Variants in ABR observed in about 807,000 individuals in gnomAD.
ABR encodes the protein ABR activator of RhoGEF and GTPase, also known as active breakpoint cluster region-related protein.
ABR carries 35 observed loss-of-function variants against 107.2 expected under a neutral mutation model. The observed-to-expected ratio is 0.33, with a 90% confidence interval of 0.25 to 0.43. ABR has a LOEUF of 0.43. Among genes scored for constraint, ABR ranks in the 20% least tolerant of loss-of-function variants. The pLI is 1.00. For synonymous variants in ABR, 498 were observed against 462.0 expected (o/e 1.08, Z -1.00); for missense variants, 815 against 1,115.2 (o/e 0.73, Z 3.83).
intron 2 of ABR, among the ~76,000 whole-genome samples, chr17:1,123,161 A>G (rs2258693): frequency 0.98 from 149,229 of 152,270 alleles, 73,193 homozygotes; most frequent in Middle Eastern, 1. Context: ...GTGACCCAGC[A>G]GAAAGGGCAG....
intron 16 of ABR, among the ~76,000 whole-genome samples, chr17:1,044,132 A>G (rs2031158621): frequency 6.6e-6 from 1 of 151,976 alleles, no homozygotes; most frequent in Non-Finnish European, 1.5e-5. Context: ...TAGGATAAAC[A>G]CAGTGGAGTC....
chr17:1,203,235 G>A (rs1276150798), intron 1 of ABR, among the ~76,000 whole-genome samples: 2 of 151,984 alleles, frequency 1.3e-5, no homozygotes, highest in African/African-American at 4.8e-5. Context: ...AGAGGATCCT[G>A]GGGAGACTCC....
In ABR at chr17:1,148,565, C is replaced by T. The variant is rs1369118743; in HGVS notation, c.62-23198G>A. On this transcript the variant is annotated intron_variant, in intron 1 of 22. Transcript: ENST00000302538. This position sits in a 1 kb window ranked among gnomAD's most constrained non-coding sequence, Gnocchi z 4.9. Reference sequence around the variant, plus strand: ...GTGAGTGGTGGGTGAGCAAGCGTCACCCCCTGAACCCCACTTCCCATCCGA... The same window carrying T: ...GTGAGTGGTGGGTGAGCAAGCGTCATCCCCTGAACCCCACTTCCCATCCGA... Among the ~76,000 whole-genome samples the T allele has an allele frequency of 3.3e-5, 5 of 152,188 alleles. No homozygotes were observed. Among genetic ancestry groups the T allele is most frequent in the Admixed American group, 1.3e-4 (2 of 15,274 alleles).
Position 1,148,761 on chromosome 17 carries a change from G to A in ABR, c.62-23394C>T, listed in dbSNP as rs1250417962. ...CTGGTTTCACAGATGCGGAGTCTCA[G>A]TTTAGCCAGGTGAGAGTTCCGGAGA... On this transcript the variant is annotated intron_variant, in intron 1 of 22. Coordinates refer to ENST00000302538, the MANE Select transcript of ABR (RefSeq NM_021962.5). The surrounding 1 kb of genome is among the most constrained non-coding windows in gnomAD (Gnocchi z 4.9). Among the ~76,000 whole-genome samples, 2 of 152,216 alleles carry A rather than the reference G, an allele frequency of 1.3e-5. No homozygotes were observed. Among genetic ancestry groups the A allele is most frequent in the Non-Finnish European group, 2.9e-5 (2 of 68,038 alleles).
At chr17:1,034,800 C>G (rs77948238) in intron 16 of ABR, among the ~76,000 whole-genome samples, 1 of 152,140 alleles carries the variant, frequency 6.6e-6, no homozygotes, top group Non-Finnish European at 1.5e-5. Context: ...CCCCTTCCCT[C>G]GGGCTGGGTC....
chr17:1,136,202 T>C (rs750671662), intron 1 of ABR, among the ~76,000 whole-genome samples: 23 of 152,086 alleles, frequency 1.5e-4, no homozygotes, highest in Non-Finnish European at 2.8e-4. Context: ...ATTGAAAATC[T>C]GATCTGTTTT....
chr17:1,220,786 G>C (rs1427555373), intron 1 of ABR, among the ~76,000 whole-genome samples: 2 of 152,168 alleles, frequency 1.3e-5, no homozygotes, highest in African/African-American at 4.8e-5. Context: ...TTTTTTCACT[G>C]AACTTCTCAT....
At chr17:1,214,596 G>A (rs759648847) in intron 1 of ABR, among the ~76,000 whole-genome samples, 1 of 152,090 alleles carries the variant, frequency 6.6e-6, no homozygotes, top group African/African-American at 2.4e-5. Flanking sequence ...GACGTCAGGA[G>A]TTCGAGACCA....
intron 1 of ABR, among the ~76,000 whole-genome samples, chr17:1,196,299 A>G (rs1263542813): frequency 2.0e-5 from 3 of 151,782 alleles, no homozygotes. Flanking sequence ...GCATGGTGGC[A>G]CGTGCCTGTA....
intron 1 of ABR, among the ~76,000 whole-genome samples, chr17:1,174,799 T>G (rs565426333): frequency 2.0e-5 from 3 of 152,220 alleles, no homozygotes; most frequent in African/African-American, 7.2e-5. Context: ...AGGGAGAGGC[T>G]TTAAATACAG....
Position 1,179,658 on chromosome 17 carries a change from C to T in ABR, c.61+9G>A, listed in dbSNP as rs922667043. 1.9e-6 allele frequency: 3 copies of T among 1,543,126 alleles called. No individual in the cohort carries two copies. Among genetic ancestry groups the T allele is most frequent in the Non-Finnish European group, 2.6e-6 (3 of 1,144,448 alleles). ...ATCCTGGGGTCCCGCCCCCGCCCGG[C>T]ACACGTACTGCTGTAGAGGGTGTCG... On this transcript the variant is annotated intron_variant, in intron 1 of 22. Transcript: ENST00000302538. This position sits in a 1 kb window ranked among gnomAD's most constrained non-coding sequence, Gnocchi z 4.9.
rs560635666 is a variant in ABR at position 1,194,800 on chromosome 17, T to C, written c.838+33993A>G. Among the ~76,000 whole-genome samples, 263 of 124,916 alleles carry C rather than the reference T, an allele frequency of 2.1e-3. 58 individuals are homozygous for C. The highest frequency in any genetic ancestry group is 5.4e-3 in the South Asian group (18 of 3,364). 81.9% of individuals were successfully genotyped at this position (124,916 alleles called of 152,430 possible). On this transcript the variant is annotated intron_variant, in intron 1 of 22. Transcript: ENST00000574139. ...CCCCTAGTAGCTGGGATTACAGGCA[T>C]GTGCCACCATGCCCTAAAAATTTTG...
In ABR at chr17:1,117,087, CCTCCCAGCGTTATCCCTGAGCCTGAG is replaced by C. The variant is rs2039027461; in HGVS notation, c.246+8070_246+8095del. On this transcript the variant is annotated intron_variant, in intron 2 of 22. Transcript: ENST00000302538. Reference sequence around the variant, plus strand: ...AGAAAGGGAAGAAGAGGCTGCAGTTCCTCCCAGCGTTATCCCTGAGCCTGAGTTCCTCCCAGCGTTATCCCTGAGCC... The same window carrying C: ...AGAAAGGGAAGAAGAGGCTGCAGTTCTTCCTCCCAGCGTTATCCCTGAGCC... Among the ~76,000 whole-genome samples the C allele has an allele frequency of 1.3e-5, 2 of 151,718 alleles. 1 individual carries two copies. The highest frequency in any genetic ancestry group is 2.9e-5 in the Non-Finnish European group (2 of 67,860).
At chr17:1,057,270 C>T (rs2440044) in intron 12 of ABR, among the ~76,000 whole-genome samples, 168 bp from the exon 13 acceptor site, 136,381 of 148,600 alleles carry the variant, frequency 0.92, 62,602 homozygotes, top group East Asian at 0.97. Context: ...GTAGATGCTG[C>T]GAGAGGGGTC....
At chr17:1,046,387 C>T (rs969042399) in intron 16 of ABR, among the ~76,000 whole-genome samples, 8 of 151,684 alleles carry the variant, frequency 5.3e-5, no homozygotes, top group Non-Finnish European at 1.0e-4. Context: ...CCGCCCGCCT[C>T]GGCCTCCCAA....
At chr17:1,192,917 G>T (rs902058402) in intron 1 of ABR, among the ~76,000 whole-genome samples, 1 of 151,906 alleles carries the variant, frequency 6.6e-6, no homozygotes, top group African/African-American at 2.4e-5. Flanking sequence ...GTGTGGTGGC[G>T]GGCGCCTGTA....
chr17:1,031,820 C>T, intron 16 of ABR: 2 of 1,227,056 alleles, frequency 1.6e-6, no homozygotes, highest in Non-Finnish European at 2.0e-6. Context: ...CCGCTAGTTC[C>T]CTAGTCCCGC....
intron 1 of ABR, among the ~76,000 whole-genome samples, chr17:1,172,719 C>CA (rs1458811117): frequency 6.6e-6 from 1 of 151,742 alleles, no homozygotes; most frequent in East Asian, 1.9e-4. Context: ...CACTGCACTC[C>CA]AGCCTGGGTG....
chr17:1,136,231 TTTG>T (rs1281070932), intron 1 of ABR, among the ~76,000 whole-genome samples: 2 of 152,180 alleles, frequency 1.3e-5, no homozygotes, highest in East Asian at 1.9e-4. Context: ...TTTGTTTGGT[TTTG>T]TTGTTGTTGT....
Sources: gnomAD v4.1 joint callset for allele counts (sites outside exome capture counted in the v4.1 genomes callset) on GRCh38, gnomAD v4.1.1 for gene constraint, Gnocchi (gnomAD v3.1) non-coding constraint, MANE v1.5 for transcripts, NCBI Gene and HGNC (gene_info 2026-07-23, HGNC 2026-07-21) for gene names.